Variants in NR3C2 observed in about 807,000 individuals in gnomAD.
The protein encoded by NR3C2 is mineralocorticoid receptor.
NR3C2 carries 15 observed loss-of-function variants against 86.4 expected under a neutral mutation model. The observed-to-expected ratio is 0.17, with a 90% CI of 0.12 to 0.27. The LOEUF (loss-of-function observed/expected upper bound fraction) is 0.27. Among genes scored for constraint, NR3C2 ranks in the 10% least tolerant of loss-of-function variants. The pLI is 1.00. For missense variants in NR3C2, 960 were observed against 1,195.6 expected (o/e 0.80, Z 2.91); for synonymous variants, 458 against 450.5 (o/e 1.02, Z -0.21).
intron 2 of NR3C2, among the ~76,000 whole-genome samples, chr4:148,322,399 G>A (rs1484402251): frequency 2.5e-5 from 3 of 120,798 alleles, no homozygotes; most frequent in Non-Finnish European, 5.1e-5. Flanking sequence ...GGCGTTCTCT[G>A]TATTTCCTGA....
intron 2 of NR3C2, among the ~76,000 whole-genome samples, chr4:148,305,319 C>T (rs79038243): frequency 0.03 from 4,584 of 152,098 alleles, 105 homozygotes; most frequent in African/African-American, 0.064. Context: ...AAAACACAGT[C>T]TTCTTTTAAA....
intron 2 of NR3C2, among the ~76,000 whole-genome samples, chr4:148,387,268 G>C (rs1199879341): frequency 1.3e-5 from 2 of 152,166 alleles, no homozygotes; most frequent in East Asian, 3.9e-4. Context: ...GAGGCAACAA[G>C]CATGAGGATG....
chr4:148,434,002 T>C (rs1325230917), intron 2 of NR3C2, among the ~76,000 whole-genome samples: 3 of 152,142 alleles, frequency 2.0e-5, no homozygotes, highest in Non-Finnish European at 4.4e-5. Context: ...ATAAGAAGAA[T>C]ACATAAAGTT....
intron 2 of NR3C2, among the ~76,000 whole-genome samples, chr4:148,273,453 T>G (rs1049156628): frequency 1.1e-4 from 16 of 152,290 alleles, no homozygotes; most frequent in African/African-American, 3.8e-4. Flanking sequence ...TACCAAGCTT[T>G]AAAGATTATG....
At chr4:148,225,432 C>CA (rs1404805693) in intron 3 of NR3C2, among the ~76,000 whole-genome samples, 1 of 152,048 alleles carries the variant, frequency 6.6e-6, no homozygotes, top group East Asian at 1.9e-4. Context: ...CCTCAAAAGA[C>CA]ACATATAAAA....
At position 148,352,724 on chromosome 4, in the gene NR3C2, T is replaced by G. The variant is rs989872683; in HGVS notation, c.1757+82380A>C. Among the ~76,000 whole-genome samples the G allele has an allele frequency of 2.6e-5, 4 of 152,330 alleles. No individual in the cohort carries two copies. In the South Asian group the frequency reaches 8.3e-4, roughly 32 times the overall value. Reference sequence around the variant, plus strand: ...TAGAGAGCAAACTAAAGATTTTTCATAGTTTTAAAATCATATTTTAATAAA... The same window carrying G: ...TAGAGAGCAAACTAAAGATTTTTCAGAGTTTTAAAATCATATTTTAATAAA... On this transcript the variant is annotated intron_variant, in intron 2 of 8. Transcript: ENST00000358102.
At chr4:148,336,617 A>G (rs559460259) in intron 2 of NR3C2, among the ~76,000 whole-genome samples, 10 of 152,254 alleles carry the variant, frequency 6.6e-5, no homozygotes, top group African/African-American at 2.4e-4. Context: ...AGGAGAAGTA[A>G]GCTACAGCTG....
intron 4 of NR3C2, among the ~76,000 whole-genome samples, chr4:148,166,633 C>G (rs916954604): frequency 6.6e-6 from 1 of 152,030 alleles, no homozygotes; most frequent in Non-Finnish European, 1.5e-5. Flanking sequence ...GGAAAAGGGT[C>G]CAAGAGAGGA....
intron 2 of NR3C2, among the ~76,000 whole-genome samples, chr4:148,397,636 T>C (rs1747927437): frequency 6.6e-6 from 1 of 152,202 alleles, no homozygotes; most frequent in Non-Finnish European, 1.5e-5. Flanking sequence ...ACTCCTTTCC[T>C]TTTCCTAATC....
intron 2 of NR3C2, among the ~76,000 whole-genome samples, chr4:148,414,039 A>G (rs1052600049): frequency 6.6e-6 from 1 of 152,192 alleles, no homozygotes; most frequent in African/African-American, 2.4e-5. Flanking sequence ...CAGCAATAAA[A>G]CTGGAAACAA....
chr4:148,175,651 G>A (rs1021300667), intron 4 of NR3C2, among the ~76,000 whole-genome samples: 2 of 152,044 alleles, frequency 1.3e-5, no homozygotes, highest in African/African-American at 4.8e-5. Context: ...ATATGAAAAT[G>A]TTTCCAACAT....
At chr4:148,287,851 T>C (rs536958531) in intron 2 of NR3C2, among the ~76,000 whole-genome samples, 39 of 152,266 alleles carry the variant, frequency 2.6e-4, no homozygotes, top group Middle Eastern at 3.4e-3. Flanking sequence ...CAGAAGTTCT[T>C]AACGTCAGAC....
At chr4:148,274,772 A>G (rs1471590366) in intron 2 of NR3C2, among the ~76,000 whole-genome samples, 1 of 144,674 alleles carries the variant, frequency 6.9e-6, no homozygotes, top group Non-Finnish European at 1.5e-5. Flanking sequence ...ATTTCGGCTC[A>G]CTGCAATCTC....
chr4:148,382,895 T>G (rs956135098), intron 2 of NR3C2, among the ~76,000 whole-genome samples: 34 of 152,112 alleles, frequency 2.2e-4, no homozygotes, highest in African/African-American at 7.5e-4. Flanking sequence ...AATGGTACTA[T>G]CCCTTCTCTG....
At chr4:148,369,147 C>T (rs1328666621) in intron 2 of NR3C2, among the ~76,000 whole-genome samples, 1 of 152,188 alleles carries the variant, frequency 6.6e-6, no homozygotes, top group Non-Finnish European at 1.5e-5. Flanking sequence ...ATAATTATTT[C>T]CCTCATTCTG....
At chr4:148,320,108 G>A (rs1304391690) in intron 2 of NR3C2, among the ~76,000 whole-genome samples, 4 of 113,252 alleles carry the variant, frequency 3.5e-5, no homozygotes, top group Non-Finnish European at 6.9e-5. Flanking sequence ...TTTTGTCAAA[G>A]GCTTTTTCTG....
intron 8 of NR3C2, among the ~76,000 whole-genome samples, chr4:148,101,251 A>G (rs1254137213): frequency 1.3e-5 from 2 of 152,334 alleles, no homozygotes; most frequent in South Asian, 4.1e-4. Flanking sequence ...GTACAATTGC[A>G]TCTTAAAATG....
upstream of NR3C2, chr4:148,442,879 T>A: frequency 1.0e-6 from 1 of 985,314 alleles, no homozygotes; most frequent in Non-Finnish European, 1.2e-6. Flanking sequence ...TGGAGAGATG[T>A]GAAAAGTGTG....
In NR3C2 at chr4:148,306,290, T is replaced by C. The variant is rs955498514; in HGVS notation, c.1758-46173A>G. Among the ~76,000 whole-genome samples the C allele has an allele frequency of 1.1e-4, 16 of 152,360 alleles. No homozygotes were observed. In the Middle Eastern group the frequency reaches 0.014, roughly 130 times the overall value. ...CATATCACTCAGCTACAAATTATTA[T>C]GCATATTTTACAGCTCTATTAGCTT... On this transcript the variant is annotated intron_variant, in intron 2 of 8. Transcript: ENST00000358102.
Sources: allele counts gnomAD v4.1 joint callset (sites outside exome capture counted in the v4.1 genomes callset), GRCh38; gene constraint gnomAD v4.1.1; transcripts MANE v1.5; gene names NCBI Gene and HGNC (gene_info 2026-07-23, HGNC 2026-07-21).